The following JHY variants were observed in gnomAD, a reference collection of about 807,000 sequenced individuals.
JHY encodes jhy protein homolog.
In JHY, 69 loss-of-function variants were observed where a neutral mutation model predicts 78.0. The ratio of observed to expected loss-of-function variants is 0.88; its 90% CI spans 0.73 to 1.08. JHY has a LOEUF of 1.08. Ranked by LOEUF, JHY falls within the 50% of genes least tolerant of loss-of-function variation. JHY has a pLI of 0.00. For missense variants in JHY, 944 were observed against 927.8 expected, an observed-to-expected ratio of 1.02 and a Z score of -0.23; for synonymous variants, 368 against 342.6, an observed-to-expected ratio of 1.07 and a Z score of -0.82.
chr11:122,921,478 C>CT (rs1282507438), intron 3 of JHY, among the ~76,000 whole-genome samples: 1 of 152,174 alleles, frequency 6.6e-6, no homozygotes, highest in African/African-American at 2.4e-5. Context: ...TCCTTGCCTG[C>CT]TAAGTCAGCT....
chr11:122,950,366 C>T (rs923356032), intron 6 of JHY, among the ~76,000 whole-genome samples: 1 of 152,120 alleles, frequency 6.6e-6, no homozygotes, highest in Non-Finnish European at 1.5e-5. Flanking sequence ...ATATAGATTA[C>T]CAGGGACTAA....
chr11:122,919,735 T>G (rs997173224), intron 3 of JHY, among the ~76,000 whole-genome samples: 1 of 152,082 alleles, frequency 6.6e-6, no homozygotes, highest in Admixed American at 6.5e-5. Flanking sequence ...TCCCAGCACT[T>G]TGGGAGGCTG....
In JHY at chr11:122,961,169, A is replaced by G. The variant is rs1864305877; in HGVS notation, c.*1724A>G. ...AGGCTATGTGGCAAAATCTTTCTGT[A>G]TTGCCCTCTACTGAAGTAGATAGTT... On this transcript the variant is annotated 3_prime_UTR_variant, in exon 9 of 9. Coordinates refer to ENST00000227349, the MANE Select transcript of JHY (RefSeq NM_024806.4). 1 of 575,846 alleles carries G rather than the reference A, an allele frequency of 1.7e-6. No homozygotes were observed. Among genetic ancestry groups the G allele is most frequent in the Non-Finnish European group, 3.2e-6 (1 of 310,820 alleles). 35.7% of individuals were successfully genotyped at this position (575,846 alleles called of 1,614,324 possible). A position where few individuals can be genotyped will look rare whatever the true frequency, so the allele number is the denominator to read the frequency against.
At chr11:122,905,039 A>G (rs1862956005) in intron 3 of JHY, 1 of 743,230 alleles carries the variant, frequency 1.3e-6, no homozygotes, top group Non-Finnish European at 2.2e-6. Flanking sequence ...TTCAATCTTC[A>G]GATGTTTCTA....
At chr11:122,957,021 T>C (rs1002317094) in intron 7 of JHY, among the ~76,000 whole-genome samples, 1 of 152,154 alleles carries the variant, frequency 6.6e-6, no homozygotes, top group African/African-American at 2.4e-5. Flanking sequence ...TTAACTGCAG[T>C]TGCACTCAAG....
chr11:122,899,596 C>T (rs7107693), intron 2 of JHY, among the ~76,000 whole-genome samples: 3,520 of 152,228 alleles, frequency 0.023, 148 homozygotes, highest in African/African-American at 0.078. Flanking sequence ...ACTCTTCTGT[C>T]CATAGCACAG....
rs1367684213 is a variant in JHY at position 122,934,446 on chromosome 11, T to C, written c.1005T>C (p.Tyr335=). The change falls in exon 5 of 9, where the codon TAT becomes TAC. Residue 335 remains tyrosine, a synonymous_variant. Coordinates refer to ENST00000227349, the MANE Select transcript of JHY (RefSeq NM_024806.4). ...LKNYQEHWSQ[Y]ESTKSSNVPR... is the part of the protein sequence containing the mutation. ...ATTACCAGGAACACTGGTCTCAATA[T>C]GAAAGTACAAAATCAAGCAATGTAC... The C allele has an allele frequency of 6.2e-7, 1 of 1,613,346 alleles. No homozygotes were observed. Among genetic ancestry groups the C allele is most frequent in the Admixed American group, 1.7e-5 (1 of 59,948 alleles).
intron 3 of JHY, among the ~76,000 whole-genome samples, chr11:122,909,535 T>C (rs1204941129): frequency 6.6e-6 from 1 of 152,168 alleles, no homozygotes; most frequent in Non-Finnish European, 1.5e-5. Flanking sequence ...AACTCAGCAT[T>C]TTGGGAGGCC....
chr11:122,942,227 A>G (rs1159137922), intron 5 of JHY, among the ~76,000 whole-genome samples: 1 of 152,070 alleles, frequency 6.6e-6, no homozygotes, highest in Non-Finnish European at 1.5e-5. Context: ...AAGAAACCAC[A>G]ATAGTTTATT....
chr11:122,950,073 A>G (rs1304731756), intron 6 of JHY, among the ~76,000 whole-genome samples: 1 of 151,918 alleles, frequency 6.6e-6, no homozygotes, highest in African/African-American at 2.4e-5. Context: ...ACCTCAGATG[A>G]TCCACCTGCC....
chr11:122,949,637 C>A (rs979218022), intron 6 of JHY, among the ~76,000 whole-genome samples: 1 of 152,034 alleles, frequency 6.6e-6, no homozygotes, highest in Non-Finnish European at 1.5e-5. Context: ...GAGTTCTTAC[C>A]CCAGCTCCTT....
chr11:122,895,490 C>T (rs1043004802), intron 2 of JHY, among the ~76,000 whole-genome samples: 1 of 152,160 alleles, frequency 6.6e-6, no homozygotes, highest in Non-Finnish European at 1.5e-5. Context: ...ATATGAGGCT[C>T]TTCATTAAAT....
At chr11:122,923,306 CAG>C (rs1456159384) in intron 3 of JHY, among the ~76,000 whole-genome samples, 2 of 152,174 alleles carry the variant, frequency 1.3e-5, no homozygotes, top group African/African-American at 4.8e-5. Flanking sequence ...ATGCATGAAA[CAG>C]ATTTCTTTTC....
chr11:122,902,692 A>G (rs1862887424), intron 2 of JHY, among the ~76,000 whole-genome samples: 1 of 152,164 alleles, frequency 6.6e-6, no homozygotes, highest in Admixed American at 6.5e-5. Flanking sequence ...ACGGCAGAGC[A>G]GGACCAAGAG....
intron 2 of JHY, among the ~76,000 whole-genome samples, chr11:122,889,528 G>A (rs1862565888): frequency 6.6e-6 from 1 of 152,074 alleles, no homozygotes; most frequent in Non-Finnish European, 1.5e-5. Context: ...ATATATAGGA[G>A]GACATGCAGG....
intron 3 of JHY, among the ~76,000 whole-genome samples, chr11:122,910,993 C>T (rs559038235): frequency 1.3e-5 from 2 of 152,272 alleles, no homozygotes; most frequent in African/African-American, 2.4e-5. Context: ...CTAAGTATCA[C>T]GGTCAGGCAG....
At position 122,934,507 on chromosome 11, in the gene JHY, C is replaced by T; in HGVS notation, c.1066C>T (p.Gln356Ter). 6.2e-7 allele frequency: 1 copy of T among 1,613,996 alleles called. No individual in the cohort carries two copies. Among genetic ancestry groups the T allele is most frequent in the Non-Finnish European group, 8.5e-7 (1 of 1,179,958 alleles). ...ACCTTCTGACATGGTGAATGACCAT[C>T]AACCTTCCAGAAGACCAGCCAAGCT... ...GQPSDMVNDH[Q>*]PSRRPAKLKI... Residue 356 changes from glutamine to a stop codon, truncating the protein, a stop_gained, in exon 5 of 9, where the codon CAA (glutamine) becomes TAA (stop). Transcript: ENST00000227349. LOFTEE classifies it high-confidence loss of function.
At chr11:122,901,498 A>G (rs1039196709) in intron 2 of JHY, among the ~76,000 whole-genome samples, 1 of 152,060 alleles carries the variant, frequency 6.6e-6, no homozygotes, top group South Asian at 2.1e-4. Context: ...TTGTAATAAC[A>G]CAGCTTAAAA....
At chr11:122,918,917 A>C (rs1863293168) in intron 3 of JHY, among the ~76,000 whole-genome samples, 1 of 146,524 alleles carries the variant, frequency 6.8e-6, no homozygotes, top group African/African-American at 2.8e-5. Flanking sequence ...CCAGGGTGAT[A>C]CTTGTTACAA....
Sources: allele counts gnomAD v4.1 joint callset (sites outside exome capture counted in the v4.1 genomes callset), GRCh38; gene constraint gnomAD v4.1.1; transcripts MANE v1.5; gene names NCBI Gene and HGNC (gene_info 2026-07-23, HGNC 2026-07-21).